Variants in WDPCP observed in about 807,000 individuals in gnomAD.
WDPCP encodes the protein WD repeat containing planar cell polarity effector.
A neutral mutation model predicts 93.1 loss-of-function variants in WDPCP; 71 were observed. That is an observed-to-expected ratio of 0.76 (90% CI 0.63 to 0.93). The LOEUF (loss-of-function observed/expected upper bound fraction) is 0.93. WDPCP is among the 40% of genes least tolerant of loss of function. The pLI, the probability that WDPCP is intolerant of heterozygous loss-of-function variation, is 0.00. For synonymous variants in WDPCP, 315 were observed against 315.0 expected, an observed-to-expected ratio of 1.00 and a Z score of 0.00; for missense variants, 844 against 887.4, an observed-to-expected ratio of 0.95 and a Z score of 0.62.
intron 2 of WDPCP, among the ~76,000 whole-genome samples, chr2:63,764,094 C>G (rs1478989538): frequency 1.3e-5 from 2 of 152,102 alleles, no homozygotes; most frequent in African/African-American, 4.8e-5. Context: ...AATTCAGTGA[C>G]TTTGAGTACA....
At chr2:63,387,053 C>A (rs1459720709) in intron 10 of WDPCP, among the ~76,000 whole-genome samples, 2 of 151,930 alleles carry the variant, frequency 1.3e-5, no homozygotes, top group Admixed American at 6.6e-5. Flanking sequence ...AATTCTACCA[C>A]GTGTATAAAG....
At chr2:63,602,022 G>A (rs1037263969) in intron 3 of WDPCP, among the ~76,000 whole-genome samples, 2 of 152,152 alleles carry the variant, frequency 1.3e-5, no homozygotes, top group Non-Finnish European at 2.9e-5. Flanking sequence ...CAATAGCTGG[G>A]TACCCCAGAA....
intron 2 of WDPCP, among the ~76,000 whole-genome samples, chr2:63,775,055 G>A (rs1396107807): frequency 6.6e-6 from 1 of 152,098 alleles, no homozygotes; most frequent in Non-Finnish European, 1.5e-5. Flanking sequence ...AAATCCAACT[G>A]TCTCCCTTAA....
At chr2:63,328,378 C>T (rs898785544) in intron 12 of WDPCP, among the ~76,000 whole-genome samples, 7 of 152,072 alleles carry the variant, frequency 4.6e-5, no homozygotes, top group South Asian at 4.2e-4. Flanking sequence ...TCTTTGGGTC[C>T]GCGCTGCCTT....
chr2:63,576,240 C>T (rs1338816631), intron 1 of WDPCP, among the ~76,000 whole-genome samples: 1 of 152,194 alleles, frequency 6.6e-6, no homozygotes, highest in South Asian at 2.1e-4. Flanking sequence ...CTGTCCCCCA[C>T]CCCCCACTTC....
chr2:63,247,531 G>A (rs1028099682), intron 14 of WDPCP, among the ~76,000 whole-genome samples: 72 of 152,126 alleles, frequency 4.7e-4, no homozygotes, highest in African/African-American at 1.6e-3. Flanking sequence ...TTGGTTCAAT[G>A]TAGACAGCTT....
intron 6 of WDPCP, among the ~76,000 whole-genome samples, chr2:63,482,024 T>C (rs1240263290): frequency 6.6e-5 from 10 of 151,952 alleles, no homozygotes; most frequent in Non-Finnish European, 7.4e-5. Context: ...TGACGGGAAT[T>C]AGTTTTTAAA....
chr2:63,733,406 G>A (rs1010032422), intron 2 of WDPCP, among the ~76,000 whole-genome samples: 2 of 147,392 alleles, frequency 1.4e-5, no homozygotes, highest in African/African-American at 2.5e-5. Flanking sequence ...GTTTCACCTT[G>A]TTAGCCAGGA....
intron 12 of WDPCP, among the ~76,000 whole-genome samples, chr2:63,372,037 A>G (rs761596811): frequency 6.6e-6 from 1 of 152,218 alleles, no homozygotes; most frequent in Non-Finnish European, 1.5e-5. Flanking sequence ...TAGCCTATAC[A>G]GGTAGCATGG....
At chr2:63,298,214 G>T (rs1259338090) in intron 13 of WDPCP, among the ~76,000 whole-genome samples, 1 of 152,144 alleles carries the variant, frequency 6.6e-6, no homozygotes, top group South Asian at 2.1e-4. Flanking sequence ...GGGAGGGATA[G>T]GCCCCCATGT....
intron 15 of WDPCP, among the ~76,000 whole-genome samples, chr2:63,154,958 T>C (rs1672134777): frequency 1.3e-5 from 2 of 152,214 alleles, no homozygotes; most frequent in South Asian, 4.1e-4. Flanking sequence ...GAAATGTCCG[T>C]CCAAGTCTTT....
At chr2:63,218,385 TATTTC>T (rs1430523310) in intron 14 of WDPCP, among the ~76,000 whole-genome samples, 4 of 152,154 alleles carry the variant, frequency 2.6e-5, no homozygotes, top group East Asian at 1.9e-4. Context: ...TTTCATGCCT[TATTTC>T]AGTTCAGAAC....
At chr2:63,495,962 T>A (rs911689987) in intron 1 of WDPCP, among the ~76,000 whole-genome samples, 1 of 152,166 alleles carries the variant, frequency 6.6e-6, no homozygotes, top group Non-Finnish European at 1.5e-5. Context: ...TTGGTTAATA[T>A]TCCATTGCAA....
intron 1 of WDPCP, among the ~76,000 whole-genome samples, chr2:63,533,219 A>G (rs1267990204): frequency 6.6e-6 from 1 of 152,214 alleles, no homozygotes; most frequent in Non-Finnish European, 1.5e-5. Flanking sequence ...GCAAGTCCTT[A>G]GAGACCTACA....
chr2:63,395,055 T>C (rs1395563135), intron 10 of WDPCP, among the ~76,000 whole-genome samples: 1 of 152,018 alleles, frequency 6.6e-6, no homozygotes, highest in Non-Finnish European at 1.5e-5. Context: ...AAAATTGTGG[T>C]GTATTGACAT....
Position 63,485,183 on chromosome 2 carries a change from C to G in WDPCP, c.254-196G>C, listed in dbSNP as rs565407585. ...GGATTTTTACCACAAAACAATCTCC[C>G]TAACCATAATTTTACAATGACAACC... On this transcript the variant is annotated intron_variant, in intron 4 of 17. Coordinates refer to ENST00000272321, the MANE Select transcript of WDPCP (RefSeq NM_015910.7). Among the ~76,000 whole-genome samples the G allele has an allele frequency of 2.6e-5, 4 of 151,912 alleles. No individual in the cohort carries two copies. In the East Asian group the frequency reaches 7.8e-4, roughly 29 times the overall value.
At chr2:63,840,005 T>G in the WDPCP span, among the ~76,000 whole-genome samples, 1 of 152,240 alleles carries the variant, frequency 6.6e-6, no homozygotes, top group Non-Finnish European at 1.5e-5. Context: ...AAAGTTCCTT[T>G]GTTTAGACAA....
intron 3 of WDPCP, among the ~76,000 whole-genome samples, chr2:63,630,181 G>T (rs946641444): frequency 1.3e-5 from 2 of 151,916 alleles, no homozygotes; most frequent in African/African-American, 4.8e-5. Context: ...ATTCACAAAC[G>T]TATTCAAGTA....
At chr2:63,603,786 T>C (rs1404477818) in intron 3 of WDPCP, among the ~76,000 whole-genome samples, 2 of 151,618 alleles carry the variant, frequency 1.3e-5, no homozygotes, top group African/African-American at 4.9e-5. Flanking sequence ...GCCTCCCAAG[T>C]AGCTGGGATT....
Sources: allele counts gnomAD v4.1 joint callset (sites outside exome capture counted in the v4.1 genomes callset), GRCh38; gene constraint gnomAD v4.1.1; transcripts MANE v1.5; gene names NCBI Gene and HGNC (gene_info 2026-07-23, HGNC 2026-07-21).